PIK3C2G: variants seen among roughly 807,000 people sequenced by gnomAD.
PIK3C2G encodes phosphatidylinositol-4-phosphate 3-kinase catalytic subunit type 2 gamma.
PIK3C2G carries 168 observed loss-of-function variants against 181.1 expected under a neutral mutation model. That is an observed-to-expected ratio of 0.93 (90% confidence interval 0.82 to 1.05). PIK3C2G has a LOEUF of 1.05. Among genes scored for constraint, PIK3C2G ranks in the 50% least tolerant of loss-of-function variants. PIK3C2G has a pLI of 0.00. For synonymous variants in PIK3C2G, 573 were observed against 592.2 expected, an observed-to-expected ratio of 0.97 and a Z score of 0.47; for missense variants, 1,869 against 1,732.8, an observed-to-expected ratio of 1.08 and a Z score of -1.40.
chr12:18,700,960 G>A, the PIK3C2G span, among the ~76,000 whole-genome samples: 3 of 147,660 alleles, frequency 2.0e-5, no homozygotes, highest in Non-Finnish European at 4.5e-5. Context: ...TCATAAGAAT[G>A]CATAATATTT....
intron 31 of PIK3C2G, among the ~76,000 whole-genome samples, chr12:18,624,425 T>G (rs11044219): frequency 0.093 from 14,068 of 151,722 alleles, 848 homozygotes; most frequent in Non-Finnish European, 0.14. Context: ...TTATTGAATT[T>G]GATTTGCTAG....
chr12:18,381,835 T>A lies in PIK3C2G; in HGVS notation c.1950T>A (p.Thr650=). Residue 650 remains threonine (T), a synonymous_variant, in exon 14 of 33, where the codon ACT becomes ACA. Transcript: ENST00000538779. ...LQSEPPVEMI[T]PGVWDVSQPS... is the part of the protein sequence containing the mutation. ...GTGAGCCTCCCGTAGAAATGATAAC[T>A]CCAGGAGTGTGGGATGTAAGTCAGC... 1.2e-6 allele frequency: 2 copies of A among 1,613,752 alleles called. No homozygotes were observed. The highest frequency in any genetic ancestry group is 1.7e-6 in the Non-Finnish European group (2 of 1,179,652).
intron 29 of PIK3C2G, among the ~76,000 whole-genome samples, chr12:18,574,198 T>C (rs1946118374): frequency 6.6e-6 from 1 of 152,208 alleles, no homozygotes; most frequent in Non-Finnish European, 1.5e-5. Context: ...CAGGATCTTT[T>C]AGTGATTTAT....
intron 11 of PIK3C2G, among the ~76,000 whole-genome samples, chr12:18,353,296 A>G (rs1349303037): frequency 6.6e-6 from 1 of 152,018 alleles, no homozygotes; most frequent in Non-Finnish European, 1.5e-5. Context: ...TCAGAGTTTG[A>G]TGGCCTCTAG....
intron 29 of PIK3C2G, among the ~76,000 whole-genome samples, chr12:18,593,488 T>C (rs953232342): frequency 2.6e-5 from 4 of 151,922 alleles, no homozygotes; most frequent in South Asian, 2.1e-4. Context: ...GAAAAAGCCA[T>C]TGGACAGAGT....
At chr12:18,633,031 C>T (rs1044727678) in intron 31 of PIK3C2G, among the ~76,000 whole-genome samples, 1 of 152,152 alleles carries the variant, frequency 6.6e-6, no homozygotes, top group Non-Finnish European at 1.5e-5. Flanking sequence ...CTTAACAGTC[C>T]TTACTCTTCA....
At chr12:18,372,445 A>T (rs1030134219) in intron 13 of PIK3C2G, 2 of 152,338 alleles carry the variant, frequency 1.3e-5, no homozygotes, top group Non-Finnish European at 2.9e-5. Context: ...GGTCTATAAG[A>T]AACAGTTTAT....
chr12:18,355,577 G>A (rs1940646199), intron 11 of PIK3C2G, among the ~76,000 whole-genome samples: 1 of 152,088 alleles, frequency 6.6e-6, no homozygotes, highest in South Asian at 2.1e-4. Context: ...CGGGGTCCCT[G>A]GCCCCAAAGA....
chr12:18,390,826 T>C (rs1204073800), intron 14 of PIK3C2G, among the ~76,000 whole-genome samples: 2 of 152,248 alleles, frequency 1.3e-5, no homozygotes, highest in East Asian at 3.9e-4. Flanking sequence ...AAATGTAACA[T>C]ATTAATCTTT....
chr12:18,497,608 G>T lies in PIK3C2G; in HGVS notation c.2887-11G>T. The T allele has an allele frequency of 6.2e-7, 1 of 1,608,194 alleles. No homozygotes were observed. The highest frequency in any genetic ancestry group is 8.5e-7 in the Non-Finnish European group (1 of 1,176,764). The stretch of plus-strand genomic sequence containing the variant: ...GGAAAAACCCAGGGTCTATAATTTT[G>T]TTTTTAACAGGCTGGAGATGATCTT... On this transcript the variant is annotated splice_polypyrimidine_tract_variant and intron_variant, in intron 21 of 32. Coordinates refer to ENST00000538779, the MANE Select transcript of PIK3C2G (RefSeq NM_001288772.2).
intron 29 of PIK3C2G, among the ~76,000 whole-genome samples, chr12:18,588,634 CTGT>C (rs1205471425): frequency 6.6e-6 from 1 of 152,082 alleles, no homozygotes; most frequent in African/African-American, 2.4e-5. Context: ...TGCTTATACA[CTGT>C]TGTTGGGAGT....
intron 10 of PIK3C2G, among the ~76,000 whole-genome samples, chr12:18,346,266 T>A (rs1301735584): frequency 6.6e-6 from 1 of 152,220 alleles, no homozygotes; most frequent in African/African-American, 2.4e-5. Context: ...ATTTGTTTGA[T>A]GTACTTATAA....
At chr12:18,293,867 T>A in intron 4 of PIK3C2G, 34 bp from the exon 5 acceptor site, 1 of 1,057,398 alleles carries the variant, frequency 9.5e-7, no homozygotes. Flanking sequence ...ATGATACACT[T>A]TTATTGACTT....
chr12:18,443,897 C>T (rs1175071137), intron 18 of PIK3C2G, among the ~76,000 whole-genome samples: 5 of 152,132 alleles, frequency 3.3e-5, no homozygotes, highest in Admixed American at 6.6e-5. Flanking sequence ...TTCTCCTTGA[C>T]GCCCAAGAAT....
intron 2 of PIK3C2G, among the ~76,000 whole-genome samples, chr12:18,283,058 T>A (rs986467375): frequency 6.6e-6 from 1 of 152,140 alleles, no homozygotes; most frequent in Non-Finnish European, 1.5e-5. Context: ...ATAGCAGAGT[T>A]GAAGGTTTAA....
At chr12:18,319,338 A>T (rs920772066) in intron 6 of PIK3C2G, among the ~76,000 whole-genome samples, 3 of 152,146 alleles carry the variant, frequency 2.0e-5, no homozygotes, top group Non-Finnish European at 4.4e-5. Flanking sequence ...AGAAAAAAAA[A>T]TTTTAACTTT....
intron 18 of PIK3C2G, among the ~76,000 whole-genome samples, chr12:18,441,018 G>A (rs1199403787): frequency 2.0e-5 from 3 of 152,104 alleles, no homozygotes; most frequent in South Asian, 2.1e-4. Context: ...TAGTGGTAAC[G>A]CCAACATTTT....
the PIK3C2G span, among the ~76,000 whole-genome samples, chr12:18,671,565 C>A: frequency 6.6e-6 from 1 of 152,076 alleles, no homozygotes; most frequent in South Asian, 2.1e-4. Flanking sequence ...TGAAACAAAA[C>A]TACAAATTTG....
At chr12:18,572,732 T>C (rs1946024738) in intron 29 of PIK3C2G, among the ~76,000 whole-genome samples, 1 of 152,066 alleles carries the variant, frequency 6.6e-6, no homozygotes, top group Admixed American at 6.6e-5. Flanking sequence ...CTTTTCACTA[T>C]ATCCTTTATG....
Sources: allele counts gnomAD v4.1 joint callset (sites outside exome capture counted in the v4.1 genomes callset), GRCh38; gene constraint gnomAD v4.1.1; transcripts MANE v1.5; gene names NCBI Gene and HGNC (gene_info 2026-07-23, HGNC 2026-07-21).